Variants in OLA1 observed in about 807,000 individuals in gnomAD.
OLA1 encodes the protein Obg like ATPase 1, also known as obg-like ATPase 1.
OLA1 carries 14 observed loss-of-function variants against 48.4 expected under a neutral mutation model. The observed-to-expected ratio is 0.29, with a 90% CI of 0.19 to 0.45. The LOEUF (loss-of-function observed/expected upper bound fraction) is 0.45, where lower values mean the gene tolerates loss of function less well. OLA1 is among the 20% of genes least tolerant of loss of function. The pLI, the probability that OLA1 is intolerant of heterozygous loss-of-function variation, is 1.00. For missense variants in OLA1, 325 were observed against 467.1 expected, an observed-to-expected ratio of 0.70 and a Z score of 2.80; for synonymous variants, 127 against 150.4, an observed-to-expected ratio of 0.84 and a Z score of 1.14.
At chr2:174,203,676 A>G (rs1688042445) in intron 4 of OLA1, among the ~76,000 whole-genome samples, 1 of 151,650 alleles carries the variant, frequency 6.6e-6, no homozygotes, top group Admixed American at 6.6e-5. Context: ...CAGCTCCTCC[A>G]TTTTACTCTA....
chr2:174,176,634 A>C (rs1687424890), intron 4 of OLA1, among the ~76,000 whole-genome samples: 1 of 152,116 alleles, frequency 6.6e-6, no homozygotes, highest in Admixed American at 6.6e-5. Context: ...GTGCTTATGC[A>C]AGAAGGCTCT....
At chr2:174,182,974 T>C (rs1265704171) in intron 4 of OLA1, among the ~76,000 whole-genome samples, 1 of 152,212 alleles carries the variant, frequency 6.6e-6, no homozygotes, top group Non-Finnish European at 1.5e-5. Flanking sequence ...CACTGAAAAG[T>C]AGGTGTGTAC....
At chr2:174,086,961 G>A (rs1286591998) in intron 7 of OLA1, among the ~76,000 whole-genome samples, 3 of 151,470 alleles carry the variant, frequency 2.0e-5, no homozygotes, top group Non-Finnish European at 4.4e-5. Context: ...ACTGAGTTTC[G>A]TTCTTGTTTT....
intron 4 of OLA1, among the ~76,000 whole-genome samples, chr2:174,168,466 A>G (rs1213798150): frequency 6.6e-6 from 1 of 152,206 alleles, no homozygotes; most frequent in Non-Finnish European, 1.5e-5. Flanking sequence ...AACATTCATA[A>G]TGTCCAGGAT....
chr2:174,167,118 T>C (rs10204087), intron 4 of OLA1, among the ~76,000 whole-genome samples: 80,632 of 151,026 alleles, frequency 0.53, 22,044 homozygotes, highest in East Asian at 0.94. Flanking sequence ...TAGCCTATCC[T>C]CAGCAAAAAA....
intron 4 of OLA1, chr2:174,172,392 G>A (rs1687329328): frequency 6.5e-6 from 1 of 154,956 alleles, no homozygotes; most frequent in Non-Finnish European, 1.5e-5. Context: ...GCCTACGGAA[G>A]GAAAAGTTCC....
At chr2:174,085,593 G>A (rs1684956570) in intron 7 of OLA1, among the ~76,000 whole-genome samples, 1 of 152,146 alleles carries the variant, frequency 6.6e-6, no homozygotes, top group Non-Finnish European at 1.5e-5. Context: ...GGCAGAATGA[G>A]ACCATTAGTA....
intron 7 of OLA1, among the ~76,000 whole-genome samples, chr2:174,114,094 T>C (rs4334462): frequency 0.55 from 81,574 of 148,434 alleles, 23,059 homozygotes; most frequent in East Asian, 0.95. Context: ...TTTGGGAGGC[T>C]GAGACGGGCG....
rs534824983 is a variant in OLA1, at chr2:174,122,320, T to C, written c.728+860A>G. 1.6e-4 allele frequency among the ~76,000 whole-genome samples: 25 copies of C among 152,340 alleles called. No homozygotes were observed. The East Asian group carries it at 1.7e-3, about 11-fold the overall frequency. On this transcript the variant is annotated intron_variant, in intron 7 of 10. Transcript: ENST00000284719. ...TGTTTTGGCTTCCAGTCTATGAATG[T>C]TTATTTTTCAGTTTAAAGCCTTCTC...
At chr2:174,146,837 T>C (rs1373686697) in intron 4 of OLA1, among the ~76,000 whole-genome samples, 1 of 152,208 alleles carries the variant, frequency 6.6e-6, no homozygotes, top group Non-Finnish European at 1.5e-5. Flanking sequence ...GAACATTTCC[T>C]CTTTCTATAA....
intron 4 of OLA1, among the ~76,000 whole-genome samples, chr2:174,144,951 A>AAAAAAAAATATATATAT (rs1181030817): frequency 9.9e-5 from 4 of 40,294 alleles, no homozygotes; most frequent in Admixed American, 4.5e-4. Flanking sequence ...AAAAAAAAAA[A>AAAAAAAAATATATATAT]ATATATATAT....
chr2:174,186,200 A>G (rs569789732), intron 4 of OLA1, among the ~76,000 whole-genome samples: 56 of 152,380 alleles, frequency 3.7e-4, no homozygotes, highest in African/African-American at 1.3e-3. Context: ...TGTCTTCACA[A>G]TAATAATTCC....
intron 4 of OLA1, among the ~76,000 whole-genome samples, chr2:174,198,788 C>A (rs947999141): frequency 1.3e-5 from 2 of 151,772 alleles, no homozygotes; most frequent in South Asian, 2.1e-4. Context: ...CTCAAAATTT[C>A]TCTCTGTCTA....
At chr2:174,242,721 G>A (rs1426430873) in intron 2 of OLA1, among the ~76,000 whole-genome samples, 1 of 152,164 alleles carries the variant, frequency 6.6e-6, no homozygotes, top group Admixed American at 6.5e-5. Flanking sequence ...GCAACAAGAA[G>A]AGCTATCCCT....
intron 4 of OLA1, among the ~76,000 whole-genome samples, chr2:174,177,578 T>C (rs1687447570): frequency 6.6e-6 from 1 of 152,132 alleles, no homozygotes; most frequent in African/African-American, 2.4e-5. Flanking sequence ...CTTAGACTGC[T>C]TGGAACAAAT....
chr2:174,120,716 A>G (rs1270969601), intron 7 of OLA1, among the ~76,000 whole-genome samples: 2 of 152,202 alleles, frequency 1.3e-5, no homozygotes, highest in Admixed American at 1.3e-4. Context: ...GGGTTGAAAA[A>G]TAACACATTA....
chr2:174,076,705 T>C (rs1684745389), intron 10 of OLA1, among the ~76,000 whole-genome samples: 1 of 151,834 alleles, frequency 6.6e-6, no homozygotes, highest in Admixed American at 6.6e-5. Flanking sequence ...ATAAAGCTTA[T>C]TTCTAGAAAG....
chr2:174,076,926 T>A (rs955722781), intron 10 of OLA1, among the ~76,000 whole-genome samples: 14 of 152,060 alleles, frequency 9.2e-5, no homozygotes, highest in African/African-American at 2.7e-4. Flanking sequence ...TATAAAACTA[T>A]ATAGACAATA....
At chr2:174,209,470 C>T (rs1200560169) in intron 4 of OLA1, among the ~76,000 whole-genome samples, 2 of 152,018 alleles carry the variant, frequency 1.3e-5, no homozygotes, top group African/African-American at 2.4e-5. Context: ...AATCCTGGGC[C>T]GGGCTAGGTT....
Sources: gnomAD v4.1 joint callset for allele counts (sites outside exome capture counted in the v4.1 genomes callset) on GRCh38, gnomAD v4.1.1 for gene constraint, MANE v1.5 for transcripts, NCBI Gene and HGNC (gene_info 2026-07-23, HGNC 2026-07-21) for gene names.